TMEM232: variants seen among roughly 807,000 people sequenced by gnomAD.
The protein encoded by TMEM232 is transmembrane protein 232.
A neutral mutation model predicts 78.8 loss-of-function variants in TMEM232; 80 were observed. That is an observed-to-expected ratio of 1.01 (90% CI 0.85 to 1.22). TMEM232 has a LOEUF of 1.22. Ranked by LOEUF, TMEM232 falls within the 50% of genes most tolerant of loss-of-function variation. The probability of loss-of-function intolerance (pLI) is 0.00; values close to 1 mark genes in which losing one functional copy is unlikely to be tolerated. For missense variants in TMEM232, 881 were observed against 742.2 expected (o/e 1.19, Z -2.17); for synonymous variants, 297 against 254.3 (o/e 1.17, Z -1.60).
chr5:110,431,988 T>C (rs1757908658), intron 12 of TMEM232, among the ~76,000 whole-genome samples: 2 of 151,774 alleles, frequency 1.3e-5, no homozygotes, highest in African/African-American at 4.8e-5. Context: ...CTTTATAAAA[T>C]GGAAATACTT....
At chr5:110,564,303 G>A (rs931115256) in intron 11 of TMEM232, among the ~76,000 whole-genome samples, 2 of 151,838 alleles carry the variant, frequency 1.3e-5, no homozygotes, top group African/African-American at 2.4e-5. Flanking sequence ...GTGTTTGTTG[G>A]CACTTTGGAA....
intron 1 of TMEM232, among the ~76,000 whole-genome samples, chr5:110,704,537 T>C (rs925983053): frequency 6.6e-6 from 1 of 152,110 alleles, no homozygotes; most frequent in Non-Finnish European, 1.5e-5. Context: ...TTATGATGAC[T>C]GAATGTCTGG....
At chr5:110,676,999 G>A (rs1433389261) in intron 1 of TMEM232, among the ~76,000 whole-genome samples, 1 of 152,080 alleles carries the variant, frequency 6.6e-6, no homozygotes, top group African/African-American at 2.4e-5. Context: ...GAACTCAGGT[G>A]ATCTGCCTGC....
chr5:110,697,558 G>A (rs1255864220), intron 1 of TMEM232, among the ~76,000 whole-genome samples: 1 of 152,034 alleles, frequency 6.6e-6, no homozygotes, highest in African/African-American at 2.4e-5. Context: ...ATCTGACAAA[G>A]GGCTAATATC....
downstream of TMEM232, among the ~76,000 whole-genome samples, chr5:110,417,401 T>A (rs1361696424): frequency 6.6e-6 from 1 of 152,122 alleles, no homozygotes; most frequent in East Asian, 1.9e-4. Context: ...TTGAAATAAT[T>A]TATCTGGTAC....
At chr5:110,635,761 C>T (rs893597321) in intron 5 of TMEM232, among the ~76,000 whole-genome samples, 10 of 151,648 alleles carry the variant, frequency 6.6e-5, no homozygotes, top group African/African-American at 2.4e-4. Context: ...AAAAAAAATA[C>T]ACATGATGGC....
Position 110,642,335 on chromosome 5 carries a change from T to G in TMEM232, c.162A>C (p.Arg54Ser). ...TFSITKEFILRFNQTQNSKEK... is the reference protein window; with the variant it reads ...TFSITKEFILSFNQTQNSKEK... ...CTTTGGAATTTTGTGTTTGATTGAA[T>G]CTCAAGATGAATTCTTTTGTGATTG... The change falls in exon 3 of 14, where the codon AGA becomes AGC. Residue 54 changes from arginine to serine, a missense_variant. By Grantham distance (110) the Arg-to-Ser change is moderately radical. Transcript: ENST00000455884. The G allele has an allele frequency of 6.5e-7, 1 of 1,536,604 alleles. No homozygotes were observed. The highest frequency in any genetic ancestry group is 1.2e-5 in the South Asian group (1 of 80,464).
chr5:110,511,738 C>A (rs371178989), intron 12 of TMEM232, among the ~76,000 whole-genome samples: 3 of 152,146 alleles, frequency 2.0e-5, no homozygotes, highest in African/African-American at 7.2e-5. Context: ...TAGTACTTCA[C>A]GTCTCTGATT....
intron 12 of TMEM232, among the ~76,000 whole-genome samples, chr5:110,511,622 C>T (rs1168546500): frequency 2.0e-5 from 3 of 151,940 alleles, no homozygotes; most frequent in Non-Finnish European, 2.9e-5. Flanking sequence ...TACTTGACTA[C>T]CTAATTTCTC....
chr5:110,425,403 T>A (rs1332889056), intron 12 of TMEM232, among the ~76,000 whole-genome samples: 2 of 152,100 alleles, frequency 1.3e-5, no homozygotes, highest in African/African-American at 2.4e-5. Context: ...AAAGTCATTA[T>A]GAAGAAATTG....
chr5:110,620,646 CCT>C (rs1414372099), intron 7 of TMEM232, among the ~76,000 whole-genome samples: 1 of 99,298 alleles, frequency 1.0e-5, no homozygotes, highest in African/African-American at 4.5e-5. Context: ...TCTCCTCTCT[CCT>C]CTCTCTCTCT....
intron 1 of TMEM232, among the ~76,000 whole-genome samples, chr5:110,692,106 A>G (rs1271436863): frequency 4.6e-5 from 7 of 151,954 alleles, no homozygotes; most frequent in Non-Finnish European, 8.8e-5. Context: ...TATTTTTAGT[A>G]GAGACGGGGT....
intron 2 of TMEM232, among the ~76,000 whole-genome samples, chr5:110,656,549 A>T (rs1789084831): frequency 6.6e-6 from 1 of 152,220 alleles, no homozygotes; most frequent in African/African-American, 2.4e-5. Flanking sequence ...AAATACAAAA[A>T]GAAAGTCAGG....
At chr5:110,517,619 A>C (rs1042589302) in intron 12 of TMEM232, among the ~76,000 whole-genome samples, 1 of 152,170 alleles carries the variant, frequency 6.6e-6, no homozygotes, top group African/African-American at 2.4e-5. Context: ...CACATAGACT[A>C]TGTGAATGGT....
intron 11 of TMEM232, among the ~76,000 whole-genome samples, chr5:110,530,607 A>C (rs1771308382): frequency 1.3e-5 from 2 of 152,224 alleles, no homozygotes; most frequent in South Asian, 4.1e-4. Context: ...ACATCATGTT[A>C]AGTGAAATAA....
chr5:110,458,950 TCTTA>T lies in TMEM232; in HGVS notation c.1704-34038_1704-34035del, dbSNP rs780795624. 1.3e-4 allele frequency among the ~76,000 whole-genome samples: 20 copies of T among 152,280 alleles called. No homozygotes were observed. In the East Asian group the frequency reaches 1.3e-3, roughly 10 times the overall value. ...GTATTCTACTGAGTTATTTTTTTCTTCTTACTTTCAGCTTTATGTAGTATATCAA... is the reference window on the plus strand; with the variant it reads ...GTATTCTACTGAGTTATTTTTTTCTTCTTTCAGCTTTATGTAGTATATCAA... On this transcript the variant is annotated intron_variant, in intron 12 of 13. Coordinates refer to ENST00000455884, the MANE Select transcript of TMEM232 (RefSeq NM_001039763.4).
intron 6 of TMEM232, among the ~76,000 whole-genome samples, chr5:110,626,761 G>A (rs1784477330): frequency 6.6e-6 from 1 of 151,996 alleles, no homozygotes; most frequent in South Asian, 2.1e-4. Flanking sequence ...GATCAGCAGT[G>A]ATTTTCTGAT....
At chr5:110,632,330 G>C (rs1016257940) in intron 5 of TMEM232, among the ~76,000 whole-genome samples, 2 of 150,824 alleles carry the variant, frequency 1.3e-5, no homozygotes, top group Non-Finnish European at 2.9e-5. Flanking sequence ...ATCAACGTAA[G>C]GAAACATGAA....
intron 2 of TMEM232, among the ~76,000 whole-genome samples, chr5:110,659,952 T>C (rs1177328245): frequency 1.3e-5 from 2 of 152,062 alleles, no homozygotes; most frequent in African/African-American, 4.8e-5. Flanking sequence ...TACACATTTA[T>C]TCAATAGTCT....
Sources: gnomAD v4.1 joint callset for allele counts (sites outside exome capture counted in the v4.1 genomes callset) on GRCh38, gnomAD v4.1.1 for gene constraint, MANE v1.5 for transcripts, NCBI Gene and HGNC (gene_info 2026-07-23, HGNC 2026-07-21) for gene names.